ZNF765: variants seen among roughly 807,000 people sequenced by gnomAD.
ZNF765 encodes the protein zinc finger protein 765.
A neutral mutation model predicts 44.7 loss-of-function variants in ZNF765; 37 were observed. The ratio of observed to expected loss-of-function variants is 0.83; its 90% confidence interval spans 0.64 to 1.09. ZNF765 has a LOEUF of 1.09. Ranked by LOEUF, ZNF765 falls within the 50% of genes least tolerant of loss-of-function variation. ZNF765 has a pLI of 0.00. For missense variants in ZNF765, 594 were observed against 626.1 expected, an observed-to-expected ratio of 0.95 and a Z score of 0.55; for synonymous variants, 201 against 213.7, an observed-to-expected ratio of 0.94 and a Z score of 0.52.
chr19:53,397,053 G>A (rs1275274089), intron 1 of ZNF765, among the ~76,000 whole-genome samples: 1 of 152,232 alleles, frequency 6.6e-6, no homozygotes, highest in African/African-American at 2.4e-5. Context: ...GTTTTGAATC[G>A]ACTGAAGGAG....
At chr19:53,401,805 C>A in intron 2 of ZNF765, 2 of 831,430 alleles carry the variant, frequency 2.4e-6, no homozygotes, top group Non-Finnish European at 3.7e-6. Flanking sequence ...GATCCTGGGA[C>A]TTGGAGGTTG....
At chr19:53,413,955 T>C (rs1458863787), downstream of ZNF765, among the ~76,000 whole-genome samples, 1 of 111,584 alleles carries the variant, frequency 9.0e-6, no homozygotes, top group Admixed American at 9.7e-5. Flanking sequence ...AAAAGCTACA[T>C]AGAGGCCGGG....
chr19:53,408,208 A>T lies in ZNF765; in HGVS notation c.653A>T (p.Asn218Ile). 1 of 1,614,230 alleles carries T rather than the reference A, an allele frequency of 6.2e-7. No homozygotes were observed. Among genetic ancestry groups the T allele is most frequent in the Non-Finnish European group, 8.5e-7 (1 of 1,180,022 alleles). ...VHMREKSFQCNDSGKAYNCSS... is the reference protein window; with the variant it reads ...VHMREKSFQCIDSGKAYNCSS... Reference sequence around the variant, plus strand: ...ATGAGGGAAAAATCTTTCCAATGCAATGACAGTGGCAAAGCCTATAATTGT... The same window carrying T: ...ATGAGGGAAAAATCTTTCCAATGCATTGACAGTGGCAAAGCCTATAATTGT... Residue 218 changes from asparagine to isoleucine, a missense_variant, in exon 4 of 4, where the codon AAT becomes ATT. This residue lies in a region of ZNF765 where 567 missense variants were observed against 572.6 expected (regional missense o/e 0.99). Coordinates refer to ENST00000396408, the MANE Select transcript of ZNF765 (RefSeq NM_001040185.3).
chr19:53,403,646 C>G (rs1366736824), intron 3 of ZNF765, among the ~76,000 whole-genome samples: 1 of 152,188 alleles, frequency 6.6e-6, no homozygotes, highest in Admixed American at 6.6e-5. Context: ...GAGTTCAAAA[C>G]CAGCCTGCCT....
In ZNF765 at chr19:53,410,249, A is replaced by G; in HGVS notation, c.*1122A>G. On this transcript the variant is annotated 3_prime_UTR_variant, in exon 4 of 4. Transcript: ENST00000396408. ...CATCATAGAATTCATACTGGAGATA[A>G]ACGTTACAAATGTGAAGCATGTGAC... 2.8e-6 allele frequency: 1 copy of G among 361,412 alleles called. No homozygotes were observed. The highest frequency in any genetic ancestry group is 2.4e-5 in the South Asian group (1 of 42,174). 22.4% of individuals were successfully genotyped at this position (361,412 alleles called of 1,614,324 possible).
chr19:53,421,767 G>C (rs985451821), intron 3 of ZNF765, among the ~76,000 whole-genome samples: 3 of 152,188 alleles, frequency 2.0e-5, no homozygotes, highest in Admixed American at 6.5e-5. Context: ...GCCCACCTTT[G>C]CCTCCCAAAG....
In ZNF765 at chr19:53,398,167, C is replaced by G. The variant is rs1249005788; in HGVS notation, c.15+137C>G. On this transcript the variant is annotated intron_variant, in intron 2 of 3. Coordinates refer to ENST00000396408, the MANE Select transcript of ZNF765 (RefSeq NM_001040185.3). ...CACTCACCCATGCCTTCCTTCATTC[C>G]CTCTTATCTTGCTTAGATTCCATCT... The G allele has an allele frequency of 6.6e-6, 10 of 1,504,188 alleles. No individual in the cohort carries two copies. In the East Asian group the frequency reaches 1.6e-4, roughly 24 times the overall value. 93.2% of individuals were successfully genotyped at this position (1,504,188 alleles called of 1,614,324 possible). A position where few individuals can be genotyped will look rare whatever the true frequency, so the allele number is the denominator to read the frequency against.
At chr19:53,397,892 G>C in intron 1 of ZNF765, 51 bp from the exon 2 acceptor site, 1 of 1,465,166 alleles carries the variant, frequency 6.8e-7, no homozygotes, top group Non-Finnish European at 9.3e-7. Context: ...TGTGTTACAG[G>C]GAGGGGATAT....
intron 1 of ZNF765, among the ~76,000 whole-genome samples, chr19:53,397,073 C>T (rs568742137): frequency 1.3e-5 from 2 of 152,376 alleles, no homozygotes; most frequent in East Asian, 3.9e-4. Context: ...GGAAAACCAG[C>T]CTCTAAAGAG....
chr19:53,422,276 G>A (rs760560710), intron 3 of ZNF765, among the ~76,000 whole-genome samples: 14 of 152,188 alleles, frequency 9.2e-5, no homozygotes, highest in Non-Finnish European at 1.9e-4. Flanking sequence ...AATGCACTCT[G>A]AAATCAGCCC....
At chr19:53,425,154 G>A (rs1475654964) in exon 4 of ZNF765, 2 of 152,244 alleles carry the variant, frequency 1.3e-5, no homozygotes, top group East Asian at 1.9e-4. Flanking sequence ...TGTGGTAAAC[G>A]CTAATGAAAC....
In ZNF765 at chr19:53,407,690, C is replaced by G. The variant is rs760627470; in HGVS notation, c.143-8C>G. On this transcript the variant is annotated splice_region_variant and splice_polypyrimidine_tract_variant and intron_variant, in intron 3 of 3. Coordinates refer to ENST00000396408, the MANE Select transcript of ZNF765 (RefSeq NM_001040185.3). Reference sequence around the variant, plus strand: ...AATTTGAAACCTTTTGGTGTGTATACTTTTTAGATATCTCTTCCAAATGCA... The same window carrying G: ...AATTTGAAACCTTTTGGTGTGTATAGTTTTTAGATATCTCTTCCAAATGCA... The G allele has an allele frequency of 7.8e-6, 12 of 1,534,934 alleles. No homozygotes were observed. Among genetic ancestry groups the G allele is most frequent in the Non-Finnish European group, 3.5e-6 (4 of 1,143,690 alleles).
At chr19:53,412,343 T>C (rs1600062227), downstream of ZNF765, among the ~76,000 whole-genome samples, 2 of 152,252 alleles carry the variant, frequency 1.3e-5, no homozygotes, top group Admixed American at 6.5e-5. Flanking sequence ...TTGAATATGT[T>C]GAACCATCCT....
intron 2 of ZNF765, among the ~76,000 whole-genome samples, chr19:53,399,702 G>A (rs540709492): frequency 5.3e-5 from 8 of 151,914 alleles, no homozygotes; most frequent in South Asian, 2.1e-4. Context: ...AAATTTTTAC[G>A]TTTGGGGCCA....
In ZNF765 at chr19:53,408,826, T is replaced by C. The variant is rs770949798; in HGVS notation, c.1271T>C (p.Leu424Ser). Residue 424 changes from leucine (L) to serine (S), a missense_variant, in exon 4 of 4, where the codon TTA becomes TCA. Leu to Ser is a moderately radical substitution (Grantham distance 145). Around this residue, in one of 2 missense-constraint regions of ZNF765, gnomAD observed 567 missense variants for 572.6 expected, o/e 0.99. Transcript: ENST00000396408. ...NECGKTFNQQ[L>S]TLNICRLHSG... ...TGTGGCAAGACCTTCAATCAGCAGT[T>C]AACCCTTAACATTTGTAGACTTCAT... 2.5e-6 allele frequency: 4 copies of C among 1,613,114 alleles called. No individual in the cohort carries two copies. The South Asian group carries it at 4.4e-5, about 18-fold the overall frequency.
intron 2 of ZNF765, among the ~76,000 whole-genome samples, chr19:53,400,074 AGTG>A (rs1368265939): frequency 1.3e-5 from 2 of 152,116 alleles, no homozygotes; most frequent in Non-Finnish European, 2.9e-5. Context: ...AGCCACTCAA[AGTG>A]GTGGGATTAC....
At chr19:53,407,587 C>T in intron 3 of ZNF765, 111 bp from the exon 4 acceptor site, 1 of 755,736 alleles carries the variant, frequency 1.3e-6, no homozygotes, top group Non-Finnish European at 1.9e-6. Flanking sequence ...CTTTGAGGGT[C>T]ATGTTTGCAA....
exon 4 of ZNF765, chr19:53,425,628 C>G (rs2085934791): frequency 6.6e-6 from 1 of 152,204 alleles, no homozygotes; most frequent in African/African-American, 2.4e-5. Flanking sequence ...TCTTTTACTC[C>G]TGTTGCATGC....
intron 3 of ZNF765, among the ~76,000 whole-genome samples, chr19:53,405,138 G>A (rs532575567): frequency 5.9e-5 from 9 of 152,260 alleles, no homozygotes; most frequent in South Asian, 2.1e-4. Flanking sequence ...GATCACCTGA[G>A]GTCAGGAGTT....
Sources: allele counts gnomAD v4.1 joint callset (sites outside exome capture counted in the v4.1 genomes callset), GRCh38; gene constraint gnomAD v4.1.1; regional missense constraint gnomAD v4.1.1; transcripts MANE v1.5; gene names NCBI Gene and HGNC (gene_info 2026-07-23, HGNC 2026-07-21).